Variants in DLG1 observed in about 807,000 individuals in gnomAD.
DLG1 encodes disks large homolog 1.
A neutral mutation model predicts 123.4 loss-of-function variants in DLG1; 42 were observed. The ratio of observed to expected loss-of-function variants is 0.34; its 90% CI spans 0.27 to 0.44. The LOEUF is 0.44. DLG1 is among the 20% of genes least tolerant of loss of function. The pLI is 1.00. For synonymous variants in DLG1, 317 were observed against 356.2 expected, an observed-to-expected ratio of 0.89 and a Z score of 1.24; for missense variants, 942 against 1,082.6, an observed-to-expected ratio of 0.87 and a Z score of 1.82.
chr3:197,202,286 CAAA>C (rs1306291927), intron 4 of DLG1, among the ~76,000 whole-genome samples: 2 of 151,782 alleles, frequency 1.3e-5, no homozygotes, highest in South Asian at 4.2e-4. Context: ...CTGAGGAAGA[CAAA>C]AAACTTCCAA....
intron 5 of DLG1, among the ~76,000 whole-genome samples, chr3:197,170,522 T>C (rs1803648750): frequency 1.3e-5 from 2 of 152,246 alleles, no homozygotes; most frequent in Admixed American, 6.5e-5. Context: ...CTAAGCTCTT[T>C]TTCATGACTG....
chr3:197,183,877 G>C (rs893663657), intron 5 of DLG1: 15 of 1,495,510 alleles, frequency 1.0e-5, no homozygotes, highest in African/African-American at 2.8e-5. Flanking sequence ...GTGAATGATC[G>C]GTAAAAACTG....
rs568713636 is a variant in DLG1 at position 197,062,326 on chromosome 3, AAAAC to A, written c.2374-2332_2374-2329del. ...TCATTGAATACTGTTCTACAAGTGA[AAAAC>A]AGAATAGCTGTATGGGTACTTGAAG... On this transcript the variant is annotated intron_variant, in intron 22 of 24. Transcript: ENST00000667157. Among the ~76,000 whole-genome samples the A allele has an allele frequency of 2.0e-3, 307 of 152,314 alleles. 4 individuals are homozygous for A. The highest frequency in any genetic ancestry group is 2.7e-3 in the Admixed American group (42 of 15,304).
At chr3:197,162,780 G>A (rs1272820507) in intron 5 of DLG1, among the ~76,000 whole-genome samples, 1 of 152,088 alleles carries the variant, frequency 6.6e-6, no homozygotes, top group African/African-American at 2.4e-5. Context: ...AGAACATAGG[G>A]TTAATCTTTG....
chr3:197,112,739 CACT>C (rs1471841760), intron 13 of DLG1, among the ~76,000 whole-genome samples: 1 of 151,802 alleles, frequency 6.6e-6, no homozygotes, highest in Admixed American at 6.6e-5. Flanking sequence ...TACAAGTGCC[CACT>C]ACTATGTCTG....
chr3:197,273,366 T>C (rs1355315033), intron 4 of DLG1, among the ~76,000 whole-genome samples: 1 of 151,666 alleles, frequency 6.6e-6, no homozygotes. Context: ...GCCTCCCAAG[T>C]AGCTGGGATT....
intron 14 of DLG1, among the ~76,000 whole-genome samples, chr3:197,099,743 T>C (rs1241777847): frequency 9.2e-5 from 14 of 152,346 alleles, no homozygotes; most frequent in African/African-American, 2.9e-4. Context: ...AAAACATTCA[T>C]TTATAACTGT....
chr3:197,298,052 GC>G, intron 1 of DLG1: 1 of 480,058 alleles, frequency 2.1e-6, no homozygotes, highest in Non-Finnish European at 2.7e-6. Context: ...GCTGCCGCAC[GC>G]CCCACCCCCG....
chr3:197,101,892 C>T (rs904328866), intron 14 of DLG1, among the ~76,000 whole-genome samples: 5 of 152,012 alleles, frequency 3.3e-5, no homozygotes, highest in Non-Finnish European at 4.4e-5. Flanking sequence ...ACTACGGGTG[C>T]GCACTACCAC....
intron 4 of DLG1, among the ~76,000 whole-genome samples, chr3:197,269,571 A>C (rs991667589): frequency 2.6e-5 from 4 of 152,238 alleles, no homozygotes; most frequent in African/African-American, 9.6e-5. Context: ...TCAGTCTTGA[A>C]GCCTGAAGTT....
intron 20 of DLG1, 54 bp from the exon 21 acceptor site, chr3:197,065,863 T>A: frequency 8.5e-7 from 1 of 1,183,308 alleles, no homozygotes; most frequent in Non-Finnish European, 1.2e-6. Context: ...AATATCAATG[T>A]ATTTTATTTC....
intron 4 of DLG1, among the ~76,000 whole-genome samples, chr3:197,265,132 T>G (rs1431613825): frequency 6.6e-6 from 1 of 152,214 alleles, no homozygotes; most frequent in Non-Finnish European, 1.5e-5. Context: ...CAAGCCTATG[T>G]GTTCTCTTCA....
At chr3:197,241,057 GA>G (rs1335971872) in intron 4 of DLG1, among the ~76,000 whole-genome samples, 1 of 151,924 alleles carries the variant, frequency 6.6e-6, no homozygotes, top group African/African-American at 2.4e-5. Flanking sequence ...AGGAAGGTCA[GA>G]AAACACATTT....
chr3:197,258,944 T>C (rs561580051), intron 4 of DLG1, among the ~76,000 whole-genome samples: 2 of 152,284 alleles, frequency 1.3e-5, no homozygotes, highest in East Asian at 1.9e-4. Context: ...ATAAATACTT[T>C]AGGATAATGA....
At chr3:197,108,207 T>A (rs905258162) in intron 13 of DLG1, among the ~76,000 whole-genome samples, 1 of 152,196 alleles carries the variant, frequency 6.6e-6, no homozygotes, top group Non-Finnish European at 1.5e-5. Context: ...ATCCAGGTTG[T>A]TATTTTGTTG....
At chr3:197,134,273 T>C (rs765213839) in intron 10 of DLG1, among the ~76,000 whole-genome samples, 1 of 152,152 alleles carries the variant, frequency 6.6e-6, no homozygotes, top group Admixed American at 6.5e-5. Flanking sequence ...TAAACAGTAC[T>C]AAACAGGATG....
intron 3 of DLG1, 44 bp downstream of exon 3, chr3:197,296,302 A>T: frequency 6.3e-7 from 1 of 1,576,630 alleles, no homozygotes; most frequent in East Asian, 2.3e-5. Flanking sequence ...TGAGAGGAGC[A>T]TAAAGCCTAG....
Position 197,194,580 on chromosome 3 carries a change from A to G in DLG1, c.328T>C (p.Tyr110His), listed in dbSNP as rs765874369. ...SLSPSVEKYR[Y>H]QDEDTPPQEH... is the part of the protein sequence containing the mutation. The stretch of plus-strand genomic sequence containing the variant: ...TGAGGAGGTGTATCTTCATCCTGAT[A>G]CCTGTATTTCTGTAAAGAAAATAAA... Residue 110 changes from tyrosine (Y) to histidine (H), a missense_variant, in exon 5 of 25, where the codon TAT becomes CAT. Coordinates refer to ENST00000667157, the MANE Select transcript of DLG1 (RefSeq NM_001366207.1). 1 of 1,588,486 alleles carries G rather than the reference A, an allele frequency of 6.3e-7. No individual in the cohort carries two copies. Among genetic ancestry groups the G allele is most frequent in the Admixed American group, 1.9e-5 (1 of 53,810 alleles).
chr3:197,297,795 G>T, intron 1 of DLG1: 1 of 985,466 alleles, frequency 1.0e-6, no homozygotes, highest in Non-Finnish European at 1.2e-6. Flanking sequence ...CTGCGGCGCC[G>T]CCACAAAGTT....
Sources: gnomAD v4.1 joint callset for allele counts (sites outside exome capture counted in the v4.1 genomes callset) on GRCh38, gnomAD v4.1.1 for gene constraint, MANE v1.5 for transcripts, NCBI Gene and HGNC (gene_info 2026-07-23, HGNC 2026-07-21) for gene names.